Variants in CABP7 observed in about 807,000 individuals in gnomAD.
The protein encoded by CABP7 is calcium binding protein 7.
A neutral mutation model predicts 23.1 loss-of-function variants in CABP7; 13 were observed. The observed-to-expected ratio is 0.56, with a 90% CI of 0.37 to 0.90. The LOEUF (loss-of-function observed/expected upper bound fraction) is 0.90. Among genes scored for constraint, CABP7 ranks in the 40% least tolerant of loss-of-function variants. The probability of loss-of-function intolerance (pLI) is 0.01; values close to 1 mark genes in which losing one functional copy is unlikely to be tolerated. For missense variants in CABP7, 248 were observed against 295.6 expected (o/e 0.84, Z 1.18); for synonymous variants, 123 against 115.3 (o/e 1.07, Z -0.43).
At chr22:29,728,603 G>A (rs1336817666) in intron 2 of CABP7, 27 bp from the exon 3 acceptor site, 10 of 1,461,472 alleles carry the variant, frequency 6.8e-6, no homozygotes, top group Non-Finnish European at 8.6e-6. Context: ...CCTACCCACT[G>A]ATTGATTGGA....
At chr22:29,723,484 C>T (rs1407535325) in intron 1 of CABP7, among the ~76,000 whole-genome samples, 1 of 152,228 alleles carries the variant, frequency 6.6e-6, no homozygotes, top group Non-Finnish European at 1.5e-5. Flanking sequence ...CATCAGCTGA[C>T]TCGAGCACCC....
At chr22:29,728,297 C>A (rs955468046) in intron 2 of CABP7, among the ~76,000 whole-genome samples, 1 of 152,302 alleles carries the variant, frequency 6.6e-6, no homozygotes, top group African/African-American at 2.4e-5. Flanking sequence ...CAGTTCCTGT[C>A]TATATGGTGG....
intron 1 of CABP7, among the ~76,000 whole-genome samples, chr22:29,722,636 A>C (rs1430240354): frequency 2.6e-5 from 4 of 152,240 alleles, no homozygotes; most frequent in Admixed American, 2.6e-4. Context: ...TGGCGGCCCC[A>C]GGTCCCTTTC....
intron 1 of CABP7, among the ~76,000 whole-genome samples, chr22:29,721,719 C>T (rs961526281): frequency 6.6e-6 from 1 of 152,100 alleles, no homozygotes; most frequent in Admixed American, 6.5e-5. Flanking sequence ...GGGGGAAGAT[C>T]CAGAGAGAGA....
In CABP7 at chr22:29,721,219, G is replaced by C. The variant is rs939274335; in HGVS notation, c.109+686G>C. Among the ~76,000 whole-genome samples the C allele has an allele frequency of 7.2e-5, 11 of 152,152 alleles. 1 individual carries two copies. Among genetic ancestry groups the C allele is most frequent in the East Asian group, 5.8e-4 (3 of 5,168 alleles). On this transcript the variant is annotated intron_variant, in intron 1 of 4. Transcript: ENST00000216144. ...GGCAGAGAGGCCAGGACCCAAACCC[G>C]CCCCCACCCCGTTCCCCCTGCCTCT...
At position 29,722,853 on chromosome 22, in the gene CABP7, C is replaced by T. The variant is rs193257190; in HGVS notation, c.109+2320C>T. Among the ~76,000 whole-genome samples, 885 of 152,350 alleles carry T rather than the reference C, an allele frequency of 5.8e-3. 7 individuals are homozygous for T. Among genetic ancestry groups the T allele is most frequent in the Non-Finnish European group, 9.3e-3 (636 of 68,022 alleles). On this transcript the variant is annotated intron_variant, in intron 1 of 4. Transcript: ENST00000216144. ...CCGGGATGGAATGCTGCAGACAGTA[C>T]GTGCCTGCCGCAGAAATCCAGGGGG... is the stretch of plus-strand genomic sequence containing the variant.
chr22:29,720,868 A>G lies in CABP7; in HGVS notation c.109+335A>G, dbSNP rs933993577. Among the ~76,000 whole-genome samples, 4 of 151,228 alleles carry G rather than the reference A, an allele frequency of 2.6e-5. No homozygotes were observed. The highest frequency in any genetic ancestry group is 9.7e-5 in the African/African-American group (4 of 41,178). On this transcript the variant is annotated intron_variant, in intron 1 of 4. Transcript: ENST00000216144. This position sits in a 1 kb window ranked among gnomAD's most constrained non-coding sequence, Gnocchi z 5.2. ...CGGACTGGGGCGGGGGTCCGCGCTG[A>G]GCCCCCAGCGCCGGCCCGGCCGGAG...
chr22:29,729,515 C>T lies in CABP7; in HGVS notation c.594C>T (p.Ile198=), dbSNP rs1204059750. ...TCTGCGCCTTCGCCATCGCCTTCAT[C>T]ATCAGTGTCATGCTCATTGCGGCCA... ...SLICAFAIAF[I]ISVMLIAANQ... is the part of the protein sequence containing the mutation. Residue 198 remains isoleucine (I), a synonymous_variant, in exon 5 of 5, where the codon ATC becomes ATT. Transcript: ENST00000216144. 3 of 1,612,616 alleles carry T rather than the reference C, an allele frequency of 1.9e-6. No individual in the cohort carries two copies. Among genetic ancestry groups the T allele is most frequent in the African/African-American group, 2.7e-5 (2 of 74,950 alleles).
Position 29,728,124 on chromosome 22 carries a change from A to T in CABP7, c.253+319A>T, listed in dbSNP as rs192093116. Among the ~76,000 whole-genome samples the T allele has an allele frequency of 4.6e-5, 7 of 152,308 alleles. 1 individual carries two copies. In the East Asian group the frequency reaches 1.3e-3, roughly 29 times the overall value. On this transcript the variant is annotated intron_variant, in intron 2 of 4. Coordinates refer to ENST00000216144, the MANE Select transcript of CABP7 (RefSeq NM_182527.3). Reference sequence around the variant, plus strand: ...CTCCAGTTCCCACCACCTGAGATAAAATGACTACTTGAGTTGTGTTTGCCA... The same window carrying T: ...CTCCAGTTCCCACCACCTGAGATAATATGACTACTTGAGTTGTGTTTGCCA...
At chr22:29,728,999 G>A (rs2067816399) in intron 3 of CABP7, 56 bp from the exon 4 acceptor site, 2 of 1,591,042 alleles carry the variant, frequency 1.3e-6, no homozygotes, top group Non-Finnish European at 1.7e-6. Context: ...TGGCCGTGGG[G>A]TGCTGGGTGG....
At chr22:29,721,679 G>A (rs2067762872) in intron 1 of CABP7, among the ~76,000 whole-genome samples, 1 of 152,124 alleles carries the variant, frequency 6.6e-6, no homozygotes, top group Non-Finnish European at 1.5e-5. Context: ...CCCAGGGTGA[G>A]GGCAGATCTT....
At position 29,727,711 on chromosome 22, in the gene CABP7, C is replaced by T. The variant is rs2067806306; in HGVS notation, c.159C>T (p.Ile53=). Reference sequence around the variant, plus strand: ...TTGACCGTGACGGCAATGGCTTCATCTCCAAGCAGGAGCTGGGCACAGCCA... The same window carrying T: ...TTGACCGTGACGGCAATGGCTTCATTTCCAAGCAGGAGCTGGGCACAGCCA... ...KVFDRDGNGF[I]SKQELGTAMR... The change falls in exon 2 of 5, where the codon ATC becomes ATT. Residue 53 remains isoleucine, a synonymous_variant. Transcript: ENST00000216144. This position sits in a 1 kb window ranked among gnomAD's most constrained non-coding sequence, Gnocchi z 4.2. 2 of 1,613,740 alleles carry T rather than the reference C, an allele frequency of 1.2e-6. No individual in the cohort carries two copies. The highest frequency in any genetic ancestry group is 1.1e-5 in the South Asian group (1 of 91,008).
rs1342999594 is a variant in CABP7, at chr22:29,727,700, A to G, written c.148A>G (p.Asn50Asp). ...EAFKVFDRDGNGFISKQELGT... is the reference protein window; with the variant it reads ...EAFKVFDRDGDGFISKQELGT... ...CTTCAAGGTGTTTGACCGTGACGGC[A>G]ATGGCTTCATCTCCAAGCAGGAGCT... Residue 50 changes from asparagine to aspartate, a missense_variant, in exon 2 of 5, where the codon AAT (asparagine) becomes GAT (aspartate). By Grantham distance (23) the Asn-to-Asp change is conservative. Coordinates refer to ENST00000216144, the MANE Select transcript of CABP7 (RefSeq NM_182527.3). The surrounding 1 kb of genome is among the most constrained non-coding windows in gnomAD (Gnocchi z 4.2). 7 of 1,613,714 alleles carry G rather than the reference A, an allele frequency of 4.3e-6. No homozygotes were observed. Among genetic ancestry groups the G allele is most frequent in the Non-Finnish European group, 5.9e-6 (7 of 1,179,930 alleles).
chr22:29,728,424 T>G (rs2067811474), intron 2 of CABP7, among the ~76,000 whole-genome samples: 1 of 152,176 alleles, frequency 6.6e-6, no homozygotes, highest in Admixed American at 6.5e-5. Flanking sequence ...TAAGGCCTCA[T>G]CACACTGGGT....
At position 29,731,046 on chromosome 22, in the gene CABP7, G is replaced by A. The variant is rs1445174409; in HGVS notation, c.*1477G>A. On this transcript the variant is annotated 3_prime_UTR_variant, in exon 5 of 5. Coordinates refer to ENST00000216144, the MANE Select transcript of CABP7 (RefSeq NM_182527.3). ...GGGCAGGTGGAGGAGAGTGAGGGGAGAGCTGCCCGGTGCAGACCCAGGACG... is the reference window on the plus strand; with the variant it reads ...GGGCAGGTGGAGGAGAGTGAGGGGAAAGCTGCCCGGTGCAGACCCAGGACG... 3.7e-6 allele frequency: 2 copies of A among 537,728 alleles called. No individual in the cohort carries two copies. Among genetic ancestry groups the A allele is most frequent in the South Asian group, 4.7e-5 (1 of 21,322 alleles). 33.3% of individuals were successfully genotyped at this position (537,728 alleles called of 1,614,324 possible). A position where few individuals can be genotyped will look rare whatever the true frequency, so the allele number is the denominator to read the frequency against.
intron 1 of CABP7, among the ~76,000 whole-genome samples, chr22:29,722,999 C>T (rs2067771987): frequency 6.6e-6 from 1 of 152,212 alleles, no homozygotes; most frequent in Non-Finnish European, 1.5e-5. Context: ...CATGGAGTGA[C>T]CTTGGGCAAT....
intron 1 of CABP7, among the ~76,000 whole-genome samples, chr22:29,721,312 C>T (rs998828678): frequency 3.3e-5 from 5 of 152,134 alleles, no homozygotes; most frequent in Non-Finnish European, 7.4e-5. Context: ...GGCAGGGGTC[C>T]GGGACAGTGT....
intron 1 of CABP7, among the ~76,000 whole-genome samples, chr22:29,722,630 G>A (rs1168295581): frequency 3.9e-5 from 6 of 152,242 alleles, no homozygotes; most frequent in Admixed American, 3.3e-4. Flanking sequence ...GCCCTCTGGC[G>A]GCCCCAGGTC....
At chr22:29,728,443 C>T (rs936317634) in intron 2 of CABP7, among the ~76,000 whole-genome samples, 187 bp from the exon 3 acceptor site, 4 of 152,194 alleles carry the variant, frequency 2.6e-5, no homozygotes, top group African/African-American at 9.6e-5. Flanking sequence ...GTGGCTTCAG[C>T]GTCAGCCCAG....
Sources: gnomAD v4.1 joint callset for allele counts (sites outside exome capture counted in the v4.1 genomes callset) on GRCh38, gnomAD v4.1.1 for gene constraint, Gnocchi (gnomAD v3.1) non-coding constraint, MANE v1.5 for transcripts, NCBI Gene and HGNC (gene_info 2026-07-23, HGNC 2026-07-21) for gene names.